The following ATXN1 variants were observed in gnomAD, a reference collection of about 807,000 sequenced individuals.
ATXN1 encodes the protein ataxin-1.
ATXN1 carries 8 observed loss-of-function variants against 56.4 expected under a neutral mutation model. That is an observed-to-expected ratio of 0.14 (90% CI 0.08 to 0.26). The LOEUF is 0.26. ATXN1 is among the 10% of genes least tolerant of loss of function. The pLI is 1.00. For missense variants in ATXN1, 987 were observed against 1,106.5 expected (o/e 0.89, Z 1.53); for synonymous variants, 514 against 494.6 (o/e 1.04, Z -0.52).
intron 3 of ATXN1, among the ~76,000 whole-genome samples, chr6:16,655,450 T>C (rs550296223): frequency 6.6e-6 from 1 of 152,304 alleles, no homozygotes; most frequent in Admixed American, 6.5e-5. Flanking sequence ...AAGCTGTGTG[T>C]ACCCCTGATG....
intron 6 of ATXN1, among the ~76,000 whole-genome samples, chr6:16,405,312 A>G (rs74884853): frequency 0.01 from 1,545 of 152,346 alleles, 16 homozygotes; most frequent in African/African-American, 0.035. Flanking sequence ...GCAGTTTGCT[A>G]CAAACGACTA....
At chr6:16,356,960 G>C (rs981883561) in intron 6 of ATXN1, among the ~76,000 whole-genome samples, 3 of 152,158 alleles carry the variant, frequency 2.0e-5, no homozygotes, top group Admixed American at 6.5e-5. Flanking sequence ...GGACTGTGGT[G>C]ACAATCAGAC....
At chr6:16,633,671 C>T (rs72825570) in intron 3 of ATXN1, among the ~76,000 whole-genome samples, 2,106 of 152,266 alleles carry the variant, frequency 0.014, 30 homozygotes, top group Middle Eastern at 0.027. Context: ...GGAAAAGGCA[C>T]ATCTCACAGG....
intron 6 of ATXN1, among the ~76,000 whole-genome samples, chr6:16,460,137 G>A (rs906587489): frequency 2.0e-5 from 3 of 152,184 alleles, no homozygotes; most frequent in Non-Finnish European, 2.9e-5. Flanking sequence ...CAAGGAGACC[G>A]AGAGGGCAAA....
chr6:16,512,966 G>C (rs1347060239), intron 5 of ATXN1, among the ~76,000 whole-genome samples: 1 of 152,224 alleles, frequency 6.6e-6, no homozygotes, highest in Non-Finnish European at 1.5e-5. Context: ...AGATGTGGTT[G>C]AGTGGCCCCT....
At chr6:16,727,161 TTA>T (rs1561824691) in intron 2 of ATXN1, among the ~76,000 whole-genome samples, 1 of 152,186 alleles carries the variant, frequency 6.6e-6, no homozygotes, top group Non-Finnish European at 1.5e-5. Context: ...CTCTAGTAAA[TTA>T]TGTTAATTAA....
intron 2 of ATXN1, among the ~76,000 whole-genome samples, chr6:16,741,289 T>C (rs1760332246): frequency 6.6e-6 from 1 of 152,188 alleles, no homozygotes; most frequent in Non-Finnish European, 1.5e-5. Flanking sequence ...CATTAACCAC[T>C]GCACATGGTC....
At chr6:16,633,293 GTAAT>G (rs1042165166) in intron 3 of ATXN1, among the ~76,000 whole-genome samples, 13 of 152,066 alleles carry the variant, frequency 8.5e-5, no homozygotes, top group African/African-American at 1.4e-4. Context: ...TATAAACAAG[GTAAT>G]TAATTAATTA....
At chr6:16,335,702 G>A (rs1474430683) in intron 6 of ATXN1, among the ~76,000 whole-genome samples, 1 of 152,194 alleles carries the variant, frequency 6.6e-6, no homozygotes, top group Admixed American at 6.5e-5. Flanking sequence ...ATTTGGAAAT[G>A]AGATCATGCT....
intron 4 of ATXN1, among the ~76,000 whole-genome samples, chr6:16,544,174 GT>G (rs1315913052): frequency 1.7e-4 from 26 of 152,298 alleles, no homozygotes; most frequent in African/African-American, 6.0e-4. Context: ...CACGCTCCTC[GT>G]CTTTCTCTTT....
At chr6:16,379,786 G>A (rs1050452586) in intron 6 of ATXN1, among the ~76,000 whole-genome samples, 1 of 152,168 alleles carries the variant, frequency 6.6e-6, no homozygotes, top group African/African-American at 2.4e-5. Context: ...AAATAAGTCA[G>A]CAGCAACTCA....
intron 6 of ATXN1, among the ~76,000 whole-genome samples, chr6:16,471,998 C>T (rs1760229646): frequency 6.6e-6 from 1 of 152,144 alleles, no homozygotes; most frequent in Admixed American, 6.5e-5. Context: ...AAAAGGTAAA[C>T]AACAGGAGGT....
intron 6 of ATXN1, among the ~76,000 whole-genome samples, chr6:16,341,981 T>C (rs945801038): frequency 6.7e-6 from 1 of 150,072 alleles, no homozygotes; most frequent in Non-Finnish European, 1.5e-5. Context: ...GTTCAAGTGA[T>C]TCTCCTGCCT....
At chr6:16,393,900 C>A (rs1198608382) in intron 6 of ATXN1, among the ~76,000 whole-genome samples, 4 of 139,132 alleles carry the variant, frequency 2.9e-5, no homozygotes, top group African/African-American at 5.9e-5. Context: ...AACATGGAAT[C>A]ACCTTTTTTT....
At chr6:16,575,066 TG>T (rs1423558159) in intron 4 of ATXN1, among the ~76,000 whole-genome samples, 1 of 152,208 alleles carries the variant, frequency 6.6e-6, no homozygotes, top group Non-Finnish European at 1.5e-5. Context: ...CCCTTCTCAG[TG>T]GGACACACGA....
At chr6:16,359,948 C>T (rs1480410480) in intron 6 of ATXN1, among the ~76,000 whole-genome samples, 1 of 152,006 alleles carries the variant, frequency 6.6e-6, no homozygotes, top group Non-Finnish European at 1.5e-5. Flanking sequence ...GGATAAATGA[C>T]TACAAAATGG....
chr6:16,395,858 T>A (rs1758445509), intron 6 of ATXN1, among the ~76,000 whole-genome samples: 1 of 151,442 alleles, frequency 6.6e-6, no homozygotes, highest in Admixed American at 6.6e-5. Flanking sequence ...CTACTAAAAA[T>A]ACAAAAATTA....
intron 3 of ATXN1, among the ~76,000 whole-genome samples, chr6:16,625,146 T>C (rs1763386090): frequency 6.6e-6 from 1 of 152,222 alleles, no homozygotes; most frequent in South Asian, 2.1e-4. Context: ...GTGAGCTGCA[T>C]CTCTTCCTTC....
intron 4 of ATXN1, among the ~76,000 whole-genome samples, chr6:16,583,032 C>G (rs1762556087): frequency 6.6e-6 from 1 of 152,212 alleles, no homozygotes; most frequent in African/African-American, 2.4e-5. Flanking sequence ...CCTCTATGAA[C>G]TTATTAATTT....
Sources: gnomAD v4.1 joint callset for allele counts (sites outside exome capture counted in the v4.1 genomes callset) on GRCh38, gnomAD v4.1.1 for gene constraint, MANE v1.5 for transcripts, NCBI Gene and HGNC (gene_info 2026-07-23, HGNC 2026-07-21) for gene names.